AUTS2: variants seen among roughly 807,000 people sequenced by gnomAD.
AUTS2 encodes the protein activator of transcription and developmental regulator AUTS2.
Under a neutral mutation model 112.4 loss-of-function variants are expected in AUTS2, and 17 were observed. The ratio of observed to expected loss-of-function variants is 0.15; its 90% CI spans 0.10 to 0.23. AUTS2 has a LOEUF of 0.23. Ranked by LOEUF, AUTS2 falls within the 10% of genes least tolerant of loss-of-function variation. The pLI is 1.00. For missense variants in AUTS2, 1,510 were observed against 1,701.6 expected (o/e 0.89, Z 1.98); for synonymous variants, 751 against 702.7 (o/e 1.07, Z -1.09).
chr7:70,689,775 C>CAAAA (rs60869776), intron 5 of AUTS2, among the ~76,000 whole-genome samples: 5 of 74,696 alleles, frequency 6.7e-5, no homozygotes, highest in African/African-American at 1.5e-4. Flanking sequence ...GACTCCGTCT[C>CAAAA]AAAAAAAAAA....
At chr7:70,296,011 G>A (rs891448895) in intron 4 of AUTS2, among the ~76,000 whole-genome samples, 2 of 151,906 alleles carry the variant, frequency 1.3e-5, no homozygotes, top group Non-Finnish European at 2.9e-5. Context: ...AAAAAAGAAT[G>A]AGCCATGCAC....
chr7:70,776,211 G>A (rs1209418917), intron 13 of AUTS2, among the ~76,000 whole-genome samples: 2 of 152,116 alleles, frequency 1.3e-5, no homozygotes, highest in Non-Finnish European at 2.9e-5. Context: ...TCTGTTCTTC[G>A]CCGATGTAGA....
At chr7:70,439,538 C>CAAAAAAAAAAAAAAAAAA (rs71077657) in intron 5 of AUTS2, among the ~76,000 whole-genome samples, 1 of 73,308 alleles carries the variant, frequency 1.4e-5, no homozygotes, top group Admixed American at 1.5e-4. Context: ...GACTCCATCT[C>CAAAAAAAAAAAAAAAAAA]AAAAAAAAAA....
intron 2 of AUTS2, among the ~76,000 whole-genome samples, chr7:70,054,518 G>A (rs950966172): frequency 2.6e-4 from 40 of 152,116 alleles, no homozygotes; most frequent in Middle Eastern, 3.4e-3. Flanking sequence ...GGGGGCATTC[G>A]CGGATATGCA....
chr7:69,912,957 A>G (rs1318951579), intron 2 of AUTS2, among the ~76,000 whole-genome samples: 1 of 152,314 alleles, frequency 6.6e-6, no homozygotes, highest in Non-Finnish European at 1.5e-5. Context: ...AATTTCAGTG[A>G]CCATCCACAG....
At position 70,303,432 on chromosome 7, in the gene AUTS2, G is replaced by GCA. The variant is rs762636923; in HGVS notation, c.661-132319_661-132318insAC. Among the ~76,000 whole-genome samples, 276 of 103,146 alleles carry GCA rather than the reference G, an allele frequency of 2.7e-3. 1 individual carries two copies. The Middle Eastern group carries it at 0.046, about 17-fold the overall frequency. 67.7% of individuals were successfully genotyped at this position (103,146 alleles called of 152,430 possible). On this transcript the variant is annotated intron_variant, in intron 4 of 18. Transcript: ENST00000342771. Reference sequence around the variant, plus strand: ...TGCACGCACACACACACGCGCGCGCGCGCACATACACACACACACACACAC... The same window carrying GCA: ...TGCACGCACACACACACGCGCGCGCGCACGCACATACACACACACACACACAC...
At chr7:70,778,669 A>G (rs1038628712) in intron 14 of AUTS2, among the ~76,000 whole-genome samples, 1 of 152,170 alleles carries the variant, frequency 6.6e-6, no homozygotes, top group African/African-American at 2.4e-5. Context: ...TTTGGTTGTC[A>G]GATACCTGCT....
At chr7:70,306,713 G>A (rs992818317) in intron 4 of AUTS2, among the ~76,000 whole-genome samples, 1 of 152,152 alleles carries the variant, frequency 6.6e-6, no homozygotes, top group African/African-American at 2.4e-5. Context: ...TAACCATTTT[G>A]TTCATCAATA....
At chr7:70,467,324 C>A (rs1248918233) in intron 5 of AUTS2, among the ~76,000 whole-genome samples, 1 of 152,206 alleles carries the variant, frequency 6.6e-6, no homozygotes, top group East Asian at 1.9e-4. Context: ...TCTTAAAAAG[C>A]ACCCTCCACA....
At chr7:70,390,295 T>A (rs1793794564) in intron 4 of AUTS2, among the ~76,000 whole-genome samples, 1 of 152,216 alleles carries the variant, frequency 6.6e-6, no homozygotes, top group African/African-American at 2.4e-5. Flanking sequence ...ATTTTCTGAT[T>A]CAGTAGATGT....
chr7:70,249,346 C>T (rs528286107), intron 4 of AUTS2, among the ~76,000 whole-genome samples: 24 of 152,200 alleles, frequency 1.6e-4, no homozygotes, highest in African/African-American at 2.6e-4. Context: ...TCATCAACCA[C>T]GCTGCAAGCC....
At chr7:69,737,411 T>A (rs191740958) in intron 1 of AUTS2, among the ~76,000 whole-genome samples, 319 of 152,296 alleles carry the variant, frequency 2.1e-3, no homozygotes, top group African/African-American at 7.4e-3. Flanking sequence ...GATAACTTGC[T>A]CAAGGCCACC....
At chr7:70,055,073 A>T (rs1383431829) in intron 2 of AUTS2, among the ~76,000 whole-genome samples, 1 of 152,142 alleles carries the variant, frequency 6.6e-6, no homozygotes, top group Non-Finnish European at 1.5e-5. Flanking sequence ...GTACCGTGAG[A>T]CTATGTAAAC....
chr7:70,070,304 C>G (rs186623731), intron 2 of AUTS2, among the ~76,000 whole-genome samples: 2 of 151,480 alleles, frequency 1.3e-5, no homozygotes, highest in Non-Finnish European at 2.9e-5. Context: ...GGATGCTGGG[C>G]GCAGTGGCCT....
At chr7:70,306,333 C>T (rs1789492245) in intron 4 of AUTS2, among the ~76,000 whole-genome samples, 1 of 152,204 alleles carries the variant, frequency 6.6e-6, no homozygotes, top group Non-Finnish European at 1.5e-5. Context: ...TTACAGCAGG[C>T]TGTTTCAACA....
intron 5 of AUTS2, among the ~76,000 whole-genome samples, chr7:70,678,068 C>T (rs781118274): frequency 7.9e-5 from 12 of 151,848 alleles, no homozygotes; most frequent in African/African-American, 1.7e-4. Flanking sequence ...GGCGACAGAG[C>T]GAGATTCTGC....
chr7:70,090,983 C>A (rs572980240), intron 2 of AUTS2, among the ~76,000 whole-genome samples: 30 of 152,198 alleles, frequency 2.0e-4, no homozygotes, highest in East Asian at 9.7e-4. Flanking sequence ...CCTGGCCTAA[C>A]GTTTCTTGAA....
intron 5 of AUTS2, among the ~76,000 whole-genome samples, chr7:70,684,080 G>C (rs529778848): frequency 1.3e-5 from 2 of 149,144 alleles, no homozygotes; most frequent in East Asian, 2.0e-4. Flanking sequence ...CAGCCAACAA[G>C]AATTCCTGCA....
At chr7:70,056,356 T>C (rs1728348612) in intron 2 of AUTS2, among the ~76,000 whole-genome samples, 1 of 152,196 alleles carries the variant, frequency 6.6e-6, no homozygotes, top group African/African-American at 2.4e-5. Context: ...TCAGCCTTTA[T>C]ACTTTAATCA....
Sources: allele counts gnomAD v4.1 joint callset (sites outside exome capture counted in the v4.1 genomes callset), GRCh38; gene constraint gnomAD v4.1.1; transcripts MANE v1.5; gene names NCBI Gene and HGNC (gene_info 2026-07-23, HGNC 2026-07-21).